CDH13: variants seen among roughly 807,000 people sequenced by gnomAD.
CDH13 encodes cadherin-13.
A neutral mutation model predicts 63.8 loss-of-function variants in CDH13; 24 were observed. The ratio of observed to expected loss-of-function variants is 0.38; its 90% CI spans 0.27 to 0.53. The LOEUF (loss-of-function observed/expected upper bound fraction) is 0.53. Among genes scored for constraint, CDH13 ranks in the 20% least tolerant of loss-of-function variants. The pLI is 0.85. For synonymous variants in CDH13, 503 were observed against 355.3 expected, an observed-to-expected ratio of 1.42 and a Z score of -4.67; for missense variants, 1,049 against 903.1, an observed-to-expected ratio of 1.16 and a Z score of -2.07.
At chr16:82,696,776 A>G (rs2030349318) in intron 1 of CDH13, among the ~76,000 whole-genome samples, 1 of 152,204 alleles carries the variant, frequency 6.6e-6, no homozygotes, top group Non-Finnish European at 1.5e-5. Flanking sequence ...ACAAGCAAGT[A>G]TTATTACAGA....
intron 7 of CDH13, among the ~76,000 whole-genome samples, chr16:83,511,797 G>A (rs1404139408): frequency 1.3e-5 from 2 of 152,176 alleles, no homozygotes; most frequent in Non-Finnish European, 2.9e-5. Context: ...ATGGGAATCT[G>A]AATGTTTAAT....
intron 3 of CDH13, among the ~76,000 whole-genome samples, chr16:83,056,337 G>C (rs1007276177): frequency 2.6e-5 from 4 of 152,064 alleles, no homozygotes; most frequent in Middle Eastern, 3.4e-3. Flanking sequence ...GTACACTAAA[G>C]GCTCTTACAA....
chr16:83,468,231 T>G (rs902020), intron 6 of CDH13, among the ~76,000 whole-genome samples: 146,915 of 152,250 alleles, frequency 0.96, 71,101 homozygotes, highest in East Asian at 1. Context: ...AGGTGGGCCC[T>G]GAATGCCATC....
intron 5 of CDH13, among the ~76,000 whole-genome samples, chr16:83,298,165 C>T (rs1026147668): frequency 5.9e-5 from 9 of 151,822 alleles, no homozygotes; most frequent in Non-Finnish European, 1.5e-5. Context: ...AAAGCTTGAG[C>T]CCAAGAGGTC....
intron 6 of CDH13, among the ~76,000 whole-genome samples, chr16:83,364,171 C>T (rs1213414532): frequency 1.3e-5 from 2 of 152,128 alleles, no homozygotes; most frequent in South Asian, 2.1e-4. Flanking sequence ...CATCTAGGTT[C>T]TTGGTAGGAA....
intron 5 of CDH13, among the ~76,000 whole-genome samples, chr16:83,230,559 G>C (rs927127242): frequency 6.6e-6 from 1 of 152,190 alleles, no homozygotes; most frequent in African/African-American, 2.4e-5. Flanking sequence ...GCCGAGGCTG[G>C]AAGATCACCT....
intron 1 of CDH13, among the ~76,000 whole-genome samples, chr16:82,723,614 C>G (rs933566169): frequency 4.6e-5 from 7 of 152,108 alleles, no homozygotes; most frequent in Middle Eastern, 3.2e-3. Flanking sequence ...AGTCTAGGTT[C>G]CTAAATGACA....
chr16:83,093,294 C>CTTTTTTTTTTTT lies in CDH13; in HGVS notation c.367-32064_367-32053dup, dbSNP rs549590536. On this transcript the variant is annotated intron_variant, in intron 3 of 13. Coordinates refer to ENST00000567109, the MANE Select transcript of CDH13 (RefSeq NM_001257.5). ...TTGTCCTGTGGAAACACCATAAGTA[C>CTTTTTTTTTTTT]TTTTTTTTTTTTTTTTTTTTTTTTT... is the stretch of plus-strand genomic sequence containing the variant. Among the ~76,000 whole-genome samples the CTTTTTTTTTTTT allele has an allele frequency of 8.5e-5, 3 of 35,326 alleles. 1 individual carries two copies. The highest frequency in any genetic ancestry group is 1.2e-3 in the East Asian group (1 of 818). The allele number at this position is 35,326 out of a possible 152,430, so 23.2% of individuals were successfully genotyped here.
intron 7 of CDH13, among the ~76,000 whole-genome samples, chr16:83,526,512 A>G (rs1408608794): frequency 6.6e-6 from 1 of 152,162 alleles, no homozygotes; most frequent in Non-Finnish European, 1.5e-5. Context: ...TTGCACTCCT[A>G]TCAGGATGTA....
chr16:82,707,457 C>T (rs1182671017), intron 1 of CDH13, among the ~76,000 whole-genome samples: 3 of 152,154 alleles, frequency 2.0e-5, no homozygotes, highest in African/African-American at 4.8e-5. Flanking sequence ...CCTCAAGGCA[C>T]GGAGAGATGA....
chr16:83,172,284 C>T (rs1284433837), intron 4 of CDH13, among the ~76,000 whole-genome samples: 1 of 152,014 alleles, frequency 6.6e-6, no homozygotes, highest in Non-Finnish European at 1.5e-5. Context: ...TGAGGTCAGG[C>T]ATTCAAGACC....
intron 10 of CDH13, 123 bp from the exon 11 acceptor site, chr16:83,747,985 T>G (rs1471559212): frequency 3.1e-6 from 3 of 974,644 alleles, no homozygotes; most frequent in Non-Finnish European, 4.8e-6. Flanking sequence ...ACAGAAATGA[T>G]GGTTTTGGAT....
chr16:83,346,455 A>G (rs1386032592), intron 6 of CDH13, among the ~76,000 whole-genome samples: 1 of 152,230 alleles, frequency 6.6e-6, no homozygotes, highest in African/African-American at 2.4e-5. Context: ...TGAGCAGAAC[A>G]GAAAAATGAT....
chr16:83,485,644 C>T (rs1317294360), intron 6 of CDH13, among the ~76,000 whole-genome samples: 7 of 152,116 alleles, frequency 4.6e-5, no homozygotes, highest in Admixed American at 6.5e-5. Context: ...CATCAGACAC[C>T]TTTGTGCAAA....
chr16:82,781,195 G>A (rs1482339701), intron 1 of CDH13, among the ~76,000 whole-genome samples: 1 of 152,214 alleles, frequency 6.6e-6, no homozygotes, highest in Non-Finnish European at 1.5e-5. Context: ...AAATAGAGAT[G>A]TGATTATTGC....
chr16:83,136,070 T>G (rs1335596760), intron 4 of CDH13, among the ~76,000 whole-genome samples: 1 of 151,708 alleles, frequency 6.6e-6, no homozygotes, highest in Non-Finnish European at 1.5e-5. Flanking sequence ...CAGGATGCCG[T>G]GTATTCTGAT....
rs77051896 is a variant in CDH13, at chr16:83,031,703, C to T, written c.158-307C>T. ...ACCCACACATGCCAGGATTAGATCA[C>T]TTCCCTCAAATGTCACTCTGCCAGA... On this transcript the variant is annotated intron_variant, in intron 2 of 13. Transcript: ENST00000567109. 9.9e-5 allele frequency among the ~76,000 whole-genome samples: 15 copies of T among 152,268 alleles called. No individual in the cohort carries two copies. In the East Asian group the frequency reaches 2.7e-3, roughly 28 times the overall value.
At chr16:83,237,699 T>C (rs1461003661) in intron 5 of CDH13, among the ~76,000 whole-genome samples, 5 of 152,214 alleles carry the variant, frequency 3.3e-5, no homozygotes, top group Admixed American at 6.5e-5. Flanking sequence ...TCTCCCTTGC[T>C]ATGTAATTTG....
intron 1 of CDH13, among the ~76,000 whole-genome samples, chr16:82,706,332 G>T (rs567007155): frequency 6.2e-4 from 94 of 152,292 alleles, no homozygotes; most frequent in African/African-American, 2.1e-3. Flanking sequence ...AATGGCCAGC[G>T]AGTATTTGGA....
Sources: gnomAD v4.1 joint callset for allele counts (sites outside exome capture counted in the v4.1 genomes callset) on GRCh38, gnomAD v4.1.1 for gene constraint, MANE v1.5 for transcripts, NCBI Gene and HGNC (gene_info 2026-07-23, HGNC 2026-07-21) for gene names.